The following PLEKHM3 variants were observed in gnomAD, a reference collection of about 807,000 sequenced individuals.
The protein encoded by PLEKHM3 is pleckstrin homology domain containing M3.
Under a neutral mutation model 81.8 loss-of-function variants are expected in PLEKHM3, and 45 were observed. The observed-to-expected ratio is 0.55, with a 90% CI of 0.43 to 0.71. The LOEUF (loss-of-function observed/expected upper bound fraction) is 0.71, where lower values mean the gene tolerates loss of function less well. PLEKHM3 is among the 30% of genes least tolerant of loss of function. PLEKHM3 has a pLI of 0.00. For missense variants in PLEKHM3, 788 were observed against 924.3 expected, an observed-to-expected ratio of 0.85 and a Z score of 1.91; for synonymous variants, 352 against 356.4, an observed-to-expected ratio of 0.99 and a Z score of 0.14.
intron 7 of PLEKHM3, among the ~76,000 whole-genome samples, chr2:207,845,290 A>T (rs1278126871): frequency 6.6e-6 from 1 of 152,260 alleles, no homozygotes; most frequent in Non-Finnish European, 1.5e-5. Flanking sequence ...GACAAAACCA[A>T]GATACTATTG....
chr2:207,936,253 C>A (rs917621987), intron 4 of PLEKHM3, among the ~76,000 whole-genome samples: 1 of 152,112 alleles, frequency 6.6e-6, no homozygotes, highest in Admixed American at 6.5e-5. Flanking sequence ...ATTATAGGCA[C>A]GAGCCACTGC....
intron 1 of PLEKHM3, among the ~76,000 whole-genome samples, chr2:208,002,442 T>C (rs1030494447): frequency 1.3e-5 from 2 of 152,174 alleles, no homozygotes; most frequent in Admixed American, 6.5e-5. Context: ...TAAATCCAAA[T>C]GTGACTGTGC....
At chr2:207,996,613 G>C (rs1692129305) in intron 2 of PLEKHM3, among the ~76,000 whole-genome samples, 1 of 152,190 alleles carries the variant, frequency 6.6e-6, no homozygotes, top group Non-Finnish European at 1.5e-5. Flanking sequence ...GCTTCCATCA[G>C]TGACTATAAA....
In PLEKHM3 at chr2:207,863,672, C is replaced by T. The variant is rs138131437; in HGVS notation, c.1951-2410G>A. Among the ~76,000 whole-genome samples the T allele has an allele frequency of 1.8e-3, 279 of 152,230 alleles. 3 individuals are homozygous for T. The highest frequency in any genetic ancestry group is 6.6e-3 in the African/African-American group (273 of 41,552). ...TGGGTGTCGAGTTGGGTCATTTGTC[C>T]ACCGACCCGGTCTTTATGTAAGCAG... On this transcript the variant is annotated intron_variant, in intron 6 of 7. Coordinates refer to ENST00000427836, the MANE Select transcript of PLEKHM3 (RefSeq NM_001080475.3).
intron 6 of PLEKHM3, among the ~76,000 whole-genome samples, chr2:207,881,020 T>G (rs1190483146): frequency 6.6e-6 from 1 of 151,616 alleles, no homozygotes; most frequent in South Asian, 2.1e-4. Flanking sequence ...GTTCTGAATA[T>G]AGAAACACTC....
chr2:207,933,750 C>A (rs1689662746), intron 4 of PLEKHM3, among the ~76,000 whole-genome samples: 1 of 152,140 alleles, frequency 6.6e-6, no homozygotes, highest in South Asian at 2.1e-4. Context: ...ACTGAAATTA[C>A]AAAAAACAAA....
At chr2:207,922,752 C>T (rs753062087) in intron 5 of PLEKHM3, among the ~76,000 whole-genome samples, 10 of 151,418 alleles carry the variant, frequency 6.6e-5, no homozygotes, top group Non-Finnish European at 1.2e-4. Flanking sequence ...GCAGAACTCG[C>T]AGTGAGCAGA....
chr2:207,962,868 T>C (rs1690785800), intron 3 of PLEKHM3, among the ~76,000 whole-genome samples: 1 of 150,580 alleles, frequency 6.6e-6, no homozygotes, highest in Non-Finnish European at 1.5e-5. Flanking sequence ...AAATGTTGTA[T>C]ACTTTTCTCT....
At chr2:208,014,757 A>G (rs1692823878) in intron 1 of PLEKHM3, among the ~76,000 whole-genome samples, 1 of 152,238 alleles carries the variant, frequency 6.6e-6, no homozygotes, top group South Asian at 2.1e-4. Context: ...CATGGCATAG[A>G]TTTTTATCAA....
chr2:208,017,031 C>T (rs1447848261), intron 1 of PLEKHM3, among the ~76,000 whole-genome samples: 1 of 152,140 alleles, frequency 6.6e-6, no homozygotes, highest in African/African-American at 2.4e-5. Flanking sequence ...TATTACAGTG[C>T]CTACACATCC....
intron 6 of PLEKHM3, among the ~76,000 whole-genome samples, chr2:207,865,801 A>AAAAAAAAAAATATATATATATATATAT: frequency 4.0e-5 from 1 of 25,298 alleles, no homozygotes; most frequent in Non-Finnish European, 7.6e-5. Context: ...AAAAAAAAAA[A>AAAAAAAAAAATATATATATATATATAT]AGATATATAT....
At chr2:207,953,077 T>A (rs1406379333) in intron 3 of PLEKHM3, among the ~76,000 whole-genome samples, 4 of 152,184 alleles carry the variant, frequency 2.6e-5, no homozygotes, top group Non-Finnish European at 5.9e-5. Context: ...GCAAATAGTA[T>A]CCACAGCATC....
intron 7 of PLEKHM3, among the ~76,000 whole-genome samples, chr2:207,841,830 T>A (rs1037209875): frequency 1.3e-5 from 2 of 152,176 alleles, no homozygotes; most frequent in Non-Finnish European, 2.9e-5. Flanking sequence ...CAATACATTT[T>A]TATATCTGAT....
chr2:207,872,048 C>T (rs2092537643), intron 6 of PLEKHM3, among the ~76,000 whole-genome samples: 1 of 152,164 alleles, frequency 6.6e-6, no homozygotes, highest in Admixed American at 6.5e-5. Context: ...TATGAGAAAA[C>T]TGAGCCCAGA....
intron 4 of PLEKHM3, among the ~76,000 whole-genome samples, chr2:207,938,569 G>A (rs540767191): frequency 6.6e-6 from 1 of 152,316 alleles, no homozygotes; most frequent in African/African-American, 2.4e-5. Flanking sequence ...GGAGAATTAA[G>A]TTAAATCCTG....
chr2:207,922,998 G>A (rs749993507), intron 5 of PLEKHM3, among the ~76,000 whole-genome samples: 2 of 152,162 alleles, frequency 1.3e-5, no homozygotes, highest in South Asian at 2.1e-4. Context: ...GGCAGCTGGT[G>A]TCAAGGAAAT....
intron 6 of PLEKHM3, among the ~76,000 whole-genome samples, chr2:207,866,309 C>A (rs1354435039): frequency 6.6e-6 from 1 of 152,128 alleles, no homozygotes; most frequent in Non-Finnish European, 1.5e-5. Flanking sequence ...GCATGAGCCA[C>A]CATGCCCAGC....
chr2:207,859,403 G>A (rs779608190), intron 7 of PLEKHM3, among the ~76,000 whole-genome samples: 1 of 151,906 alleles, frequency 6.6e-6, no homozygotes, highest in African/African-American at 2.4e-5. Context: ...CTCCCAAAGT[G>A]CTGGGATTAC....
In PLEKHM3 at chr2:207,968,753, T is replaced by C. The variant is rs1016023498; in HGVS notation, c.1546+7898A>G. On this transcript the variant is annotated intron_variant, in intron 3 of 7. Transcript: ENST00000427836. ...TATTCAAAGTTGGAAAAATAAAATT[T>C]AGCCCTTTATCGCACACAAATACCT... Among the ~76,000 whole-genome samples, 5 of 152,296 alleles carry C rather than the reference T, an allele frequency of 3.3e-5. No homozygotes were observed. In the East Asian group the frequency reaches 9.7e-4, roughly 29 times the overall value.
Sources: allele counts gnomAD v4.1 joint callset (sites outside exome capture counted in the v4.1 genomes callset), GRCh38; gene constraint gnomAD v4.1.1; transcripts MANE v1.5; gene names NCBI Gene and HGNC (gene_info 2026-07-23, HGNC 2026-07-21).